Variants in NUDCD3 observed in about 807,000 individuals in gnomAD.
NUDCD3 encodes nudC domain-containing protein 3.
In NUDCD3, 13 loss-of-function variants were observed where a neutral mutation model predicts 39.7. The ratio of observed to expected loss-of-function variants is 0.33; its 90% CI spans 0.21 to 0.52. The LOEUF is 0.52. Among genes scored for constraint, NUDCD3 ranks in the 20% least tolerant of loss-of-function variants. NUDCD3 has a pLI of 0.96. For synonymous variants in NUDCD3, 175 were observed against 172.4 expected (o/e 1.02, Z -0.12); for missense variants, 453 against 458.1 (o/e 0.99, Z 0.10).
intron 3 of NUDCD3, among the ~76,000 whole-genome samples, chr7:44,419,824 C>T (rs1362015747): frequency 6.6e-6 from 1 of 152,098 alleles, no homozygotes; most frequent in Non-Finnish European, 1.5e-5. Flanking sequence ...GACCCCCACA[C>T]AAAAACCCTA....
At chr7:44,427,789 T>A (rs1385534668) in intron 2 of NUDCD3, 86 bp from the exon 3 acceptor site, 1 of 1,419,590 alleles carries the variant, frequency 7.0e-7, no homozygotes, top group Non-Finnish European at 9.5e-7. Flanking sequence ...CACTCCTACA[T>A]CCTGGAGACG....
intron 2 of NUDCD3, among the ~76,000 whole-genome samples, chr7:44,475,064 G>C (rs932768195): frequency 1.3e-5 from 2 of 151,618 alleles, no homozygotes; most frequent in African/African-American, 4.8e-5. Flanking sequence ...AAGGACAAGA[G>C]CCACTTCAGG....
At chr7:44,429,029 C>T (rs1799297174) in intron 2 of NUDCD3, among the ~76,000 whole-genome samples, 1 of 152,156 alleles carries the variant, frequency 6.6e-6, no homozygotes, top group Non-Finnish European at 1.5e-5. Flanking sequence ...GATGCACATA[C>T]AAGACAAGGA....
chr7:44,460,670 A>T (rs1799989454), intron 2 of NUDCD3, among the ~76,000 whole-genome samples: 1 of 152,230 alleles, frequency 6.6e-6, no homozygotes, highest in African/African-American at 2.4e-5. Flanking sequence ...CCTCAAAAAA[A>T]TAAACAGCTA....
chr7:44,470,008 G>C (rs967457531), intron 2 of NUDCD3, among the ~76,000 whole-genome samples: 2 of 152,146 alleles, frequency 1.3e-5, no homozygotes, highest in Non-Finnish European at 2.9e-5. Flanking sequence ...TGATTCAACA[G>C]GCAGAATTTA....
At position 44,383,716 on chromosome 7, in the gene NUDCD3, C is replaced by G. The variant is rs1798347422; in HGVS notation, c.*2295G>C. On this transcript the variant is annotated 3_prime_UTR_variant, in exon 6 of 6. Coordinates refer to ENST00000355451, the MANE Select transcript of NUDCD3 (RefSeq NM_015332.4). ...TCACCCCGCTTTCCTCGGACCTCAG[C>G]TGGTGGGACTTAGTGGCTGGCCAAA... 1.3e-5 allele frequency: 2 copies of G among 152,316 alleles called. No individual in the cohort carries two copies. Among genetic ancestry groups the G allele is most frequent in the Admixed American group, 6.5e-5 (1 of 15,282 alleles). The allele number at this position is 152,316 out of a possible 1,614,324, so 9.4% of individuals were successfully genotyped here.
chr7:44,404,472 G>C lies in NUDCD3; in HGVS notation c.754C>G (p.Leu252Val), dbSNP rs777292008. The stretch of plus-strand genomic sequence containing the variant: ...CACTTCCCGGGCTCGAGACTCCAGA[G>C]AGAACTCTCAGTGTTGATCTTGTGG... ...LTHKINTESS[L>V]WSLEPGKCVL... Residue 252 changes from leucine to valine, a missense_variant, in exon 4 of 6, where the codon CTC becomes GTC. By Grantham distance (32) the Leu-to-Val change is conservative. Coordinates refer to ENST00000355451, the MANE Select transcript of NUDCD3 (RefSeq NM_015332.4). 2 of 1,614,040 alleles carry C rather than the reference G, an allele frequency of 1.2e-6. No homozygotes were observed. The highest frequency in any genetic ancestry group is 1.1e-5 in the South Asian group (1 of 91,078).
intron 2 of NUDCD3, among the ~76,000 whole-genome samples, chr7:44,440,363 T>G (rs1200845514): frequency 6.6e-6 from 1 of 151,898 alleles, no homozygotes; most frequent in Admixed American, 6.6e-5. Flanking sequence ...TGAACGTCCA[T>G]GAAAATCAAA....
intron 4 of NUDCD3, chr7:44,402,989 T>A (rs1366309854): frequency 4.8e-6 from 1 of 207,234 alleles, no homozygotes; most frequent in Non-Finnish European, 1.0e-5. Flanking sequence ...CTGGTAGTAG[T>A]CACAGGAGCC....
At chr7:44,414,635 T>C (rs749006419) in intron 3 of NUDCD3, among the ~76,000 whole-genome samples, 5 of 152,348 alleles carry the variant, frequency 3.3e-5, no homozygotes, top group Middle Eastern at 3.4e-3. Flanking sequence ...ACAGGGATTT[T>C]TGTGTTGTTA....
At chr7:44,424,959 G>A (rs1056577839) in intron 3 of NUDCD3, among the ~76,000 whole-genome samples, 14 of 152,294 alleles carry the variant, frequency 9.2e-5, no homozygotes, top group Admixed American at 7.2e-4. Flanking sequence ...ATACTATGCA[G>A]CCATAAAAAA....
chr7:44,486,287 C>A (rs565273647), intron 1 of NUDCD3, among the ~76,000 whole-genome samples: 1 of 152,164 alleles, frequency 6.6e-6, no homozygotes, highest in African/African-American at 2.4e-5. Flanking sequence ...CTGTGCACTG[C>A]GCGGGCAGTC....
intron 2 of NUDCD3, among the ~76,000 whole-genome samples, chr7:44,431,662 T>G (rs951900912): frequency 7.0e-6 from 1 of 143,784 alleles, no homozygotes; most frequent in Non-Finnish European, 1.5e-5. Flanking sequence ...AGGTCCTCTC[T>G]CCTTCCTTTT....
chr7:44,464,253 C>T (rs777153068), intron 2 of NUDCD3, among the ~76,000 whole-genome samples: 8 of 151,570 alleles, frequency 5.3e-5, no homozygotes, highest in Non-Finnish European at 7.4e-5. Flanking sequence ...AAGCAAGAAT[C>T]GTTTCCCAAA....
intron 2 of NUDCD3, among the ~76,000 whole-genome samples, chr7:44,440,913 T>G (rs1172733522): frequency 6.6e-6 from 1 of 152,206 alleles, no homozygotes; most frequent in Non-Finnish European, 1.5e-5. Context: ...TTTCCTTCCC[T>G]TGATACTGAA....
chr7:44,468,349 C>CAAAAAAAAAAAAAAAAAA (rs77181470), intron 2 of NUDCD3: 3 of 381,110 alleles, frequency 7.9e-6, no homozygotes, highest in South Asian at 3.9e-5. Context: ...GTAAAAACTG[C>CAAAAAAAAAAAAAAAAAA]AAAAAAAAAA....
chr7:44,416,815 C>T (rs1213617423), intron 3 of NUDCD3, among the ~76,000 whole-genome samples: 1 of 152,184 alleles, frequency 6.6e-6, no homozygotes, highest in Non-Finnish European at 1.5e-5. Flanking sequence ...TGAGAGAGAG[C>T]ACTAGCTCCA....
intron 4 of NUDCD3, among the ~76,000 whole-genome samples, chr7:44,400,804 C>T (rs529207341): frequency 4.3e-4 from 66 of 152,280 alleles, no homozygotes; most frequent in African/African-American, 1.5e-3. Context: ...CTATCTCTGT[C>T]TTCTCCTGTT....
At chr7:44,427,124 G>T (rs1457434960) in intron 3 of NUDCD3, among the ~76,000 whole-genome samples, 1 of 152,176 alleles carries the variant, frequency 6.6e-6, no homozygotes. Flanking sequence ...ATCACTGTGC[G>T]TTTAGTAGAC....
Sources: allele counts gnomAD v4.1 joint callset (sites outside exome capture counted in the v4.1 genomes callset), GRCh38; gene constraint gnomAD v4.1.1; transcripts MANE v1.5; gene names NCBI Gene and HGNC (gene_info 2026-07-23, HGNC 2026-07-21).